MAGI2: variants seen among roughly 807,000 people sequenced by gnomAD.
MAGI2 encodes membrane-associated guanylate kinase, WW and PDZ domain-containing protein 2.
Under a neutral mutation model 133.3 loss-of-function variants are expected in MAGI2, and 35 were observed. That is an observed-to-expected ratio of 0.26 (90% CI 0.20 to 0.35). MAGI2 has a LOEUF of 0.35. Ranked by LOEUF, MAGI2 falls within the 10% of genes least tolerant of loss-of-function variation. MAGI2 has a pLI of 1.00. For missense variants in MAGI2, 1,636 were observed against 1,863.4 expected, an observed-to-expected ratio of 0.88 and a Z score of 2.25; for synonymous variants, 729 against 710.6, an observed-to-expected ratio of 1.03 and a Z score of -0.41.
At chr7:78,932,464 T>C (rs1328370515) in intron 2 of MAGI2, among the ~76,000 whole-genome samples, 2 of 151,200 alleles carry the variant, frequency 1.3e-5, no homozygotes, top group Non-Finnish European at 2.9e-5. Context: ...GAAAGATAAA[T>C]CATTGAAGTT....
intron 1 of MAGI2, among the ~76,000 whole-genome samples, chr7:79,340,764 A>G (rs1840831936): frequency 2.0e-5 from 3 of 152,074 alleles, no homozygotes; most frequent in Admixed American, 2.0e-4. Flanking sequence ...GAACGTGTGT[A>G]TATGAATGTC....
At chr7:78,613,739 T>C (rs1464720916) in intron 3 of MAGI2, among the ~76,000 whole-genome samples, 2 of 152,226 alleles carry the variant, frequency 1.3e-5, no homozygotes, top group Non-Finnish European at 2.9e-5. Context: ...GACAGGACTA[T>C]GAACATGAGT....
intron 3 of MAGI2, among the ~76,000 whole-genome samples, chr7:78,544,938 C>T (rs1019525655): frequency 9.9e-5 from 15 of 151,476 alleles, no homozygotes; most frequent in South Asian, 2.1e-4. Context: ...GGATTACAGG[C>T]GTGAGCCACC....
chr7:78,104,176 T>A (rs760610979), intron 20 of MAGI2, among the ~76,000 whole-genome samples: 2 of 152,106 alleles, frequency 1.3e-5, no homozygotes, highest in Non-Finnish European at 2.9e-5. Flanking sequence ...TTGTGAGGAA[T>A]GGAGCAGGGG....
intron 2 of MAGI2, among the ~76,000 whole-genome samples, chr7:78,910,263 C>CTTT (rs71085572): frequency 0.089 from 11,344 of 127,944 alleles, 706 homozygotes; most frequent in African/African-American, 0.2. Context: ...TAAAGTAATT[C>CTTT]TTTTTTTTTT....
chr7:79,166,291 C>CCCAG (rs1234581037), intron 1 of MAGI2, among the ~76,000 whole-genome samples: 1 of 152,002 alleles, frequency 6.6e-6, no homozygotes, highest in Non-Finnish European at 1.5e-5. Context: ...ACCGACTTGA[C>CCCAG]CCACTGAAGA....
intron 1 of MAGI2, among the ~76,000 whole-genome samples, chr7:79,313,473 AG>A (rs1838454075): frequency 6.6e-6 from 1 of 151,566 alleles, no homozygotes; most frequent in Non-Finnish European, 1.5e-5. Context: ...TCTCTCTCTG[AG>A]AGAAAGAATA....
chr7:79,292,770 CAAAAAAA>C (rs199933554), intron 1 of MAGI2, among the ~76,000 whole-genome samples: 116 of 57,394 alleles, frequency 2.0e-3, no homozygotes, highest in Non-Finnish European at 2.8e-3. Context: ...TCAATTTCTG[CAAAAAAA>C]AAAAAAAAAA....
intron 1 of MAGI2, among the ~76,000 whole-genome samples, chr7:79,178,543 C>A (rs1764585972): frequency 6.6e-6 from 1 of 151,774 alleles, no homozygotes; most frequent in Non-Finnish European, 1.5e-5. Flanking sequence ...GAAACCCCGC[C>A]TCTACTGAAA....
In MAGI2 at chr7:79,453,225, C is replaced by T. The variant is rs781428481; in HGVS notation, c.96G>A (p.Leu32=). The stretch of plus-strand genomic sequence containing the variant: ...ACTGTCCATTCTCGGCGCCCCCCTT[C>T]AGTTCAAAGCCCAGCTGGCCCTCCG... ...RNPEGQLGFE[L]KGGAENGQFP... Residue 32 remains leucine, a synonymous_variant, in exon 1 of 22, where the codon CTG becomes CTA. Coordinates refer to ENST00000354212, the MANE Select transcript of MAGI2 (RefSeq NM_012301.4). 2 of 1,613,994 alleles carry T rather than the reference C, an allele frequency of 1.2e-6. No homozygotes were observed. Among genetic ancestry groups the T allele is most frequent in the East Asian group, 2.2e-5 (1 of 44,842 alleles).
At chr7:78,333,798 G>A (rs1789478946) in intron 9 of MAGI2, among the ~76,000 whole-genome samples, 1 of 152,242 alleles carries the variant, frequency 6.6e-6, no homozygotes, top group Non-Finnish European at 1.5e-5. Context: ...TATGACTGCA[G>A]CTGGGTGATG....
At position 79,339,984 on chromosome 7, in the gene MAGI2, G is replaced by A. The variant is rs77509226; in HGVS notation, c.301+113036C>T. Among the ~76,000 whole-genome samples the A allele has an allele frequency of 6.8e-3, 1,032 of 152,230 alleles. 6 individuals are homozygous for A. Among genetic ancestry groups the A allele is most frequent in the African/African-American group, 0.023 (974 of 41,528 alleles). On this transcript the variant is annotated intron_variant, in intron 1 of 21. Coordinates refer to ENST00000354212, the MANE Select transcript of MAGI2 (RefSeq NM_012301.4). ...TCTTAAGTACATATATCCTGAGTAT[G>A]TAGCAGAAAGATATGTCTCAGCATT... is the stretch of plus-strand genomic sequence containing the variant.
chr7:79,035,330 G>C (rs1010580756), intron 1 of MAGI2, among the ~76,000 whole-genome samples: 3 of 152,034 alleles, frequency 2.0e-5, no homozygotes, highest in African/African-American at 7.2e-5. Context: ...TGAAATATTT[G>C]AAATGAAAAG....
intron 1 of MAGI2, among the ~76,000 whole-genome samples, chr7:79,064,404 G>A (rs1477626044): frequency 6.6e-6 from 1 of 152,050 alleles, no homozygotes; most frequent in Non-Finnish European, 1.5e-5. Flanking sequence ...AGACCACAGA[G>A]TTGGTTTTAG....
At chr7:78,094,059 T>C (rs1817486163) in intron 20 of MAGI2, among the ~76,000 whole-genome samples, 1 of 152,200 alleles carries the variant, frequency 6.6e-6, no homozygotes, top group Admixed American at 6.5e-5. Context: ...AACTGATCAA[T>C]CAATAAATAA....
chr7:78,068,224 A>G (rs1352606415), intron 21 of MAGI2, among the ~76,000 whole-genome samples: 4 of 152,166 alleles, frequency 2.6e-5, no homozygotes, highest in African/African-American at 9.7e-5. Flanking sequence ...TGCCATTCGC[A>G]GTAGGGTTTG....
In MAGI2 at chr7:78,507,587, C is replaced by T. The variant is rs141590829; in HGVS notation, c.755-5800G>A. On this transcript the variant is annotated intron_variant, in intron 4 of 21. Coordinates refer to ENST00000354212, the MANE Select transcript of MAGI2 (RefSeq NM_012301.4). ...ATGGAGGGTGGAGAAGACATGTCTC[C>T]CCCAACTCTGAGCAACTATATAGAG... Among the ~76,000 whole-genome samples, 449 of 152,168 alleles carry T rather than the reference C, an allele frequency of 3.0e-3. 13 individuals are homozygous for T. In the East Asian group the frequency reaches 0.045, roughly 15 times the overall value.
chr7:78,506,833 G>A (rs1795133754), intron 4 of MAGI2, among the ~76,000 whole-genome samples: 1 of 152,186 alleles, frequency 6.6e-6, no homozygotes, highest in South Asian at 2.1e-4. Flanking sequence ...TAATAGAGAA[G>A]TCATTCAAGA....
At chr7:78,569,307 T>C (rs953416777) in intron 3 of MAGI2, among the ~76,000 whole-genome samples, 1 of 152,230 alleles carries the variant, frequency 6.6e-6, no homozygotes, top group African/African-American at 2.4e-5. Context: ...TTAAAACATA[T>C]TCTGAGGGCA....
Sources: gnomAD v4.1 joint callset for allele counts (sites outside exome capture counted in the v4.1 genomes callset) on GRCh38, gnomAD v4.1.1 for gene constraint, MANE v1.5 for transcripts, NCBI Gene and HGNC (gene_info 2026-07-23, HGNC 2026-07-21) for gene names.